The following P2RY8 variants were observed in gnomAD, a reference collection of about 807,000 sequenced individuals.
The protein encoded by P2RY8 is P2Y receptor family member 8.
In P2RY8, 6 loss-of-function variants were observed where a neutral mutation model predicts 10.0. The ratio of observed to expected loss-of-function variants is 0.60; its 90% CI spans 0.33 to 1.19. The LOEUF (loss-of-function observed/expected upper bound fraction) is 1.19, where lower values mean the gene tolerates loss of function less well. P2RY8 is among the 50% of genes most tolerant of loss of function. The pLI, the probability that P2RY8 is intolerant of heterozygous loss-of-function variation, is 0.04. For missense variants in P2RY8, 456 were observed against 542.0 expected (o/e 0.84, Z 1.58); for synonymous variants, 276 against 252.5 (o/e 1.09, Z -0.88).
intron 1 of P2RY8, among the ~76,000 whole-genome samples, chrX:1,511,494 C>A (rs763489970): frequency 6.6e-6 from 1 of 152,318 alleles, no homozygotes; most frequent in African/African-American, 2.4e-5. Context: ...AAATCAAGCT[C>A]CCCTCTCCAA....
At chrX:1,466,692 T>G in intron 1 of P2RY8, 110 bp from the exon 2 acceptor site, 1 of 1,064,126 alleles carries the variant, frequency 9.4e-7, no homozygotes, top group Non-Finnish European at 1.3e-6. Context: ...GGGAGATGCT[T>G]TAGCAGGGCC....
At chrX:1,509,071 CTATCTATGTATCTATCTATG>C (rs1423511770) in intron 1 of P2RY8, among the ~76,000 whole-genome samples, 1 of 145,092 alleles carries the variant, frequency 6.9e-6, no homozygotes, top group East Asian at 2.0e-4. Context: ...ATCTATGTAT[CTATCTATGTATCTATCTATG>C]TATCTATGTA....
In P2RY8 at chrX:1,536,604, C is replaced by T. The variant is rs753937362; in HGVS notation, c.-25+317G>A. 3.2e-3 allele frequency among the ~76,000 whole-genome samples: 493 copies of T among 152,228 alleles called. 2 individuals are homozygous for T. The highest frequency in any genetic ancestry group is 5.5e-3 in the Non-Finnish European group (371 of 68,020). On this transcript the variant is annotated intron_variant, in intron 1 of 1. Coordinates refer to ENST00000381297, the MANE Select transcript of P2RY8 (RefSeq NM_178129.5). ...TAGAGACGGGGTTTCACCGTGTTAG[C>T]CAGGATGGTCTCGAACTCCTGACCT...
At chrX:1,489,831 T>C (rs1460718133) in intron 1 of P2RY8, among the ~76,000 whole-genome samples, 8 of 78,134 alleles carry the variant, frequency 1.0e-4, no homozygotes, top group African/African-American at 3.5e-4. Context: ...GTGGGGGGAA[T>C]GAATGAATGA....
At chrX:1,466,690 CT>C in intron 1 of P2RY8, 108 bp from the exon 2 acceptor site, 1 of 1,086,420 alleles carries the variant, frequency 9.2e-7, no homozygotes, top group Non-Finnish European at 1.3e-6. Flanking sequence ...GGGGGAGATG[CT>C]TTAGCAGGGC....
intron 1 of P2RY8, among the ~76,000 whole-genome samples, chrX:1,482,161 GT>G (rs2091942405): frequency 3.9e-5 from 1 of 25,962 alleles, no homozygotes; most frequent in Admixed American, 3.3e-4. Context: ...TGTGTGTGTG[GT>G]GTGTGTGTGT....
intron 1 of P2RY8, among the ~76,000 whole-genome samples, chrX:1,535,081 C>T (rs1223640190): frequency 6.6e-6 from 1 of 151,724 alleles, no homozygotes; most frequent in Non-Finnish European, 1.5e-5. Context: ...GTGGGGGAGG[C>T]CAATATTTGG....
chrX:1,493,565 G>A (rs1480930326), intron 1 of P2RY8, among the ~76,000 whole-genome samples: 15 of 152,202 alleles, frequency 9.9e-5, no homozygotes, highest in Non-Finnish European at 1.8e-4. Flanking sequence ...TTTTATTAGC[G>A]AAAAACCAAG....
At chrX:1,503,851 T>C (rs1182372309) in intron 1 of P2RY8, among the ~76,000 whole-genome samples, 3 of 151,050 alleles carry the variant, frequency 2.0e-5, no homozygotes, top group African/African-American at 4.9e-5. Flanking sequence ...GCTGAGATCA[T>C]GCCACTGTAC....
At chrX:1,514,855 C>CTTTTCCTTT (rs1569538376) in intron 1 of P2RY8, among the ~76,000 whole-genome samples, 1 of 32,428 alleles carries the variant, frequency 3.1e-5, no homozygotes, top group Non-Finnish European at 7.6e-5. Context: ...CTTTCCCTCC[C>CTTTTCCTTT]CCTCCCCCTC....
intron 1 of P2RY8, among the ~76,000 whole-genome samples, chrX:1,482,534 G>A (rs1471666948): frequency 6.6e-6 from 1 of 152,116 alleles, no homozygotes; most frequent in Non-Finnish European, 1.5e-5. Flanking sequence ...CGTTGCTCTA[G>A]ACATGAAGTC....
chrX:1,521,811 C>A (rs746318830), intron 1 of P2RY8, among the ~76,000 whole-genome samples: 2 of 151,976 alleles, frequency 1.3e-5, no homozygotes, highest in African/African-American at 2.4e-5. Flanking sequence ...GTGAGCGTGA[C>A]GGACAACCTC....
At chrX:1,482,371 G>C (rs1181145094) in intron 1 of P2RY8, among the ~76,000 whole-genome samples, 4 of 151,754 alleles carry the variant, frequency 2.6e-5, no homozygotes, top group Non-Finnish European at 5.9e-5. Flanking sequence ...GAAATAGCAC[G>C]TATGCTGAAA....
chrX:1,465,468 GC>G lies in P2RY8; in HGVS notation c.*10del. 1.3e-6 allele frequency: 2 copies of G among 1,586,510 alleles called. No homozygotes were observed. Among genetic ancestry groups the G allele is most frequent in the Non-Finnish European group, 8.6e-7 (1 of 1,167,314 alleles). On this transcript the variant is annotated 3_prime_UTR_variant, in exon 2 of 2. Coordinates refer to ENST00000381297, the MANE Select transcript of P2RY8 (RefSeq NM_178129.5). ...CTGCGCCCCCGGCTCTCCAAGCTGC[GC>G]CCCCGGGACTCAGAACACACTCTCC...
chrX:1,528,794 GTC>G (rs1472907299), intron 1 of P2RY8, among the ~76,000 whole-genome samples: 2 of 152,006 alleles, frequency 1.3e-5, no homozygotes, highest in African/African-American at 4.8e-5. Flanking sequence ...ATGGATTTGA[GTC>G]TCTTTGATTG....
At chrX:1,484,522 C>T (rs755805118) in intron 1 of P2RY8, among the ~76,000 whole-genome samples, 11 of 151,554 alleles carry the variant, frequency 7.3e-5, no homozygotes, top group Admixed American at 1.3e-4. Flanking sequence ...GTCGGAAGTT[C>T]GAGACCAGCC....
intron 1 of P2RY8, among the ~76,000 whole-genome samples, chrX:1,523,300 A>G (rs1191030361): frequency 2.0e-5 from 3 of 151,920 alleles, no homozygotes; most frequent in African/African-American, 4.8e-5. Flanking sequence ...GAGCTTTCTC[A>G]AAGGGTGTCA....
intron 1 of P2RY8, among the ~76,000 whole-genome samples, chrX:1,485,644 A>G (rs2091979746): frequency 6.8e-6 from 1 of 147,932 alleles, no homozygotes; most frequent in African/African-American, 2.5e-5. Flanking sequence ...TACATATATT[A>G]TTTATATATA....
At chrX:1,524,373 TCATC>T (rs1261898158) in intron 1 of P2RY8, among the ~76,000 whole-genome samples, 2 of 98,562 alleles carry the variant, frequency 2.0e-5, no homozygotes, top group African/African-American at 7.5e-5. Flanking sequence ...ATCCATCCAC[TCATC>T]CATCCATCCA....
Sources: allele counts gnomAD v4.1 joint callset (sites outside exome capture counted in the v4.1 genomes callset), GRCh38; gene constraint gnomAD v4.1.1; transcripts MANE v1.5; gene names NCBI Gene and HGNC (gene_info 2026-07-23, HGNC 2026-07-21).